Variants in SEPTIN3 observed in about 807,000 individuals in gnomAD.
SEPTIN3 encodes neuronal-specific septin-3.
In SEPTIN3, 15 loss-of-function variants were observed where a neutral mutation model predicts 45.1. The observed-to-expected ratio is 0.33, with a 90% confidence interval of 0.22 to 0.51. The LOEUF (loss-of-function observed/expected upper bound fraction) is 0.51, where lower values mean the gene tolerates loss of function less well. Ranked by LOEUF, SEPTIN3 falls within the 20% of genes least tolerant of loss-of-function variation. The probability of loss-of-function intolerance (pLI) is 0.97; values close to 1 mark genes in which losing one functional copy is unlikely to be tolerated. For synonymous variants in SEPTIN3, 148 were observed against 164.8 expected (o/e 0.90, Z 0.78); for missense variants, 289 against 457.2 (o/e 0.63, Z 3.35).
chr22:41,989,659 A>G lies in SEPTIN3; in HGVS notation c.2138A>G (p.Glu713Gly). The stretch of plus-strand genomic sequence containing the variant: ...GCTAAGGCTGACACCATGACCCTGG[A>G]GGAGAAGTCTGAATTCAAGCAAAGG... ...VIAKADTMTL[E>G]EKSEFKQRVR... The change falls in exon 7 of 12, where the codon GAG becomes GGG. Residue 713 changes from glutamate to glycine, a missense_variant. Around this residue, in one of 3 missense-constraint regions of SEPTIN3, gnomAD observed 200 missense variants for 315.1 expected, o/e 0.63. Coordinates refer to ENST00000644076, the MANE Select transcript of SEPTIN3 (RefSeq NM_001363845.2). The G allele has an allele frequency of 6.2e-7, 1 of 1,612,950 alleles. No homozygotes were observed. The highest frequency in any genetic ancestry group is 8.5e-7 in the Non-Finnish European group (1 of 1,178,982).
intron 1 of SEPTIN3, among the ~76,000 whole-genome samples, chr22:41,970,805 G>A (rs998582134): frequency 2.0e-5 from 3 of 152,160 alleles, no homozygotes; most frequent in Admixed American, 6.5e-5. Flanking sequence ...CTTCAAGGGC[G>A]GGGACCATGG....
chr22:41,978,611 G>A (rs1369218682), intron 2 of SEPTIN3, among the ~76,000 whole-genome samples: 1 of 152,188 alleles, frequency 6.6e-6, no homozygotes. Flanking sequence ...TTGGTTCTGT[G>A]CCCCAGAGGT....
chr22:41,970,443 A>G (rs2077947076), intron 1 of SEPTIN3, among the ~76,000 whole-genome samples: 1 of 152,076 alleles, frequency 6.6e-6, no homozygotes. Flanking sequence ...AGTTTCAACT[A>G]TGTCCTCATG....
intron 9 of SEPTIN3, among the ~76,000 whole-genome samples, chr22:41,993,699 A>G (rs1462902083): frequency 1.3e-5 from 2 of 151,726 alleles, no homozygotes; most frequent in African/African-American, 4.8e-5. Flanking sequence ...TCACTGTGTT[A>G]CCCAGGCTGA....
chr22:41,971,863 G>A lies in SEPTIN3; in HGVS notation c.371G>A (p.Arg124His), dbSNP rs1394996086. ...HQNSQARSLDRPLSHWEELPT... is the reference protein window; with the variant it reads ...HQNSQARSLDHPLSHWEELPT... ...AACAGCCAGGCACGGTCCCTGGATC[G>A]CCCACTTTCTCACTGGGAAGAGTTG... The change falls in exon 2 of 12, where the codon CGC becomes CAC. Residue 124 changes from arginine to histidine, a missense_variant. Around this residue, in one of 3 missense-constraint regions of SEPTIN3, gnomAD observed 200 missense variants for 315.1 expected, o/e 0.63. Transcript: ENST00000644076. The A allele has an allele frequency of 1.5e-5, 6 of 398,958 alleles. No individual in the cohort carries two copies. The highest frequency in any genetic ancestry group is 1.3e-4 in the South Asian group (1 of 7,862). The allele number at this position is 398,958 out of a possible 1,614,324, so 24.7% of individuals were successfully genotyped here.
At position 41,977,006 on chromosome 22, in the gene SEPTIN3, A is replaced by G. The variant is rs892128218; in HGVS notation, c.1504+4010A>G. ...GCCCGGGGAAGCCCGCGCCCCGCTCAGCCTTGCAGCCCCGCGCCCGGAGCA... is the reference window on the plus strand; with the variant it reads ...GCCCGGGGAAGCCCGCGCCCCGCTCGGCCTTGCAGCCCCGCGCCCGGAGCA... On this transcript the variant is annotated intron_variant, in intron 2 of 11. Coordinates refer to ENST00000644076, the MANE Select transcript of SEPTIN3 (RefSeq NM_001363845.2). The G allele has an allele frequency of 5.2e-5, 82 of 1,564,316 alleles. No individual in the cohort carries two copies. The Middle Eastern group carries it at 8.9e-4, about 17-fold the overall frequency.
At chr22:41,987,571 G>A (rs371448031) in intron 5 of SEPTIN3, 51 bp from the exon 6 acceptor site, 1 of 1,581,428 alleles carries the variant, frequency 6.3e-7, no homozygotes, top group Non-Finnish European at 8.7e-7. Context: ...CCTAAGCTGA[G>A]CCCTAGGTCT....
At chr22:41,990,186 A>T (rs769440814) in intron 7 of SEPTIN3, among the ~76,000 whole-genome samples, 4 of 151,550 alleles carry the variant, frequency 2.6e-5, no homozygotes, top group South Asian at 2.1e-4. Flanking sequence ...GACTACAGGC[A>T]CCCACCACCA....
intron 9 of SEPTIN3, among the ~76,000 whole-genome samples, 168 bp downstream of exon 9, chr22:41,992,931 C>T (rs2078342178): frequency 6.6e-6 from 1 of 152,190 alleles, no homozygotes; most frequent in Non-Finnish European, 1.5e-5. Flanking sequence ...TGCTCACAGG[C>T]AGGAGTAACA....
At chr22:41,992,587 C>A in intron 8 of SEPTIN3, 77 bp from the exon 9 acceptor site, 1 of 890,784 alleles carries the variant, frequency 1.1e-6, no homozygotes, top group Non-Finnish European at 1.7e-6. Context: ...GACCATATGC[C>A]ATCCTGCTCC....
chr22:41,990,530 A>G (rs148140943), intron 7 of SEPTIN3, among the ~76,000 whole-genome samples: 8,290 of 146,874 alleles, frequency 0.056, 296 homozygotes, highest in Admixed American at 0.089. Flanking sequence ...TGAATCACGA[A>G]GTCAGGAGAT....
At position 41,971,665 on chromosome 22, in the gene SEPTIN3, C is replaced by G; in HGVS notation, c.173C>G (p.Thr58Ser). 1 of 399,086 alleles carries G rather than the reference C, an allele frequency of 2.5e-6. No individual in the cohort carries two copies. The highest frequency in any genetic ancestry group is 1.3e-4 in the South Asian group (1 of 7,850). The allele number at this position is 399,086 out of a possible 1,614,324, so 24.7% of individuals were successfully genotyped here. The change falls in exon 2 of 12, where the codon ACC becomes AGC. Residue 58 changes from threonine (T) to serine (S), a missense_variant. This residue lies in a region of SEPTIN3 where 200 missense variants were observed against 315.1 expected (regional missense o/e 0.63). Coordinates refer to ENST00000644076, the MANE Select transcript of SEPTIN3 (RefSeq NM_001363845.2). ...CTCAGGAAGACCATCCATCTGGATA[C>G]CTTCCCCCAAAGCCATATCCCACAG... is the stretch of plus-strand genomic sequence containing the variant. ...PVLRKTIHLDTFPQSHIPQTS... is the reference protein window; with the variant it reads ...PVLRKTIHLDSFPQSHIPQTS...
chr22:41,987,379 C>T, intron 5 of SEPTIN3, 92 bp downstream of exon 5: 3 of 1,258,168 alleles, frequency 2.4e-6, no homozygotes, highest in Non-Finnish European at 3.4e-6. Context: ...GAACCATCTG[C>T]ACCCTCCATG....
chr22:41,987,275 A>G lies in SEPTIN3; in HGVS notation c.1895A>G (p.Asn632Ser), dbSNP rs1251038755. 1 of 1,613,074 alleles carries G rather than the reference A, an allele frequency of 6.2e-7. No individual in the cohort carries two copies. The highest frequency in any genetic ancestry group is 8.5e-7 in the Non-Finnish European group (1 of 1,179,518). Reference protein sequence around the residue: ...IDTPGFGDQINNENCWEPIEK... With the variant: ...IDTPGFGDQISNENCWEPIEK... Reference sequence around the variant, plus strand: ...ACCCCAGGCTTTGGAGACCAAATCAACAATGAAAACTGGTATCTGTCTGCC... The same window carrying G: ...ACCCCAGGCTTTGGAGACCAAATCAGCAATGAAAACTGGTATCTGTCTGCC... Residue 632 changes from asparagine (N) to serine (S), a missense_variant, in exon 5 of 12, where the codon AAC becomes AGC. This residue lies in a region of SEPTIN3 where 200 missense variants were observed against 315.1 expected (regional missense o/e 0.63). Transcript: ENST00000644076.
At chr22:41,988,566 C>A (rs1481182256) in intron 6 of SEPTIN3, among the ~76,000 whole-genome samples, 2 of 152,100 alleles carry the variant, frequency 1.3e-5, no homozygotes, top group East Asian at 1.9e-4. Context: ...GAAACAAGAC[C>A]CCTGGGCTAG....
At chr22:41,987,337 T>C (rs746269902) in intron 5 of SEPTIN3, 50 bp downstream of exon 5, 49 of 1,491,276 alleles carry the variant, frequency 3.3e-5, no homozygotes, top group Non-Finnish European at 4.5e-5. Context: ...GCTGGGAAGA[T>C]ACTTACTATG....
At chr22:41,990,329 C>T (rs2146713730) in intron 7 of SEPTIN3, among the ~76,000 whole-genome samples, 1 of 150,816 alleles carries the variant, frequency 6.6e-6, no homozygotes, top group Admixed American at 6.6e-5. Flanking sequence ...GCTGGGATTA[C>T]AGGCGTGAGC....
intron 2 of SEPTIN3, among the ~76,000 whole-genome samples, chr22:41,980,082 A>G (rs1390795531): frequency 1.3e-5 from 2 of 149,360 alleles, no homozygotes; most frequent in Non-Finnish European, 1.5e-5. Context: ...CAGACCTGAA[A>G]GGGGCTGGGG....
chr22:41,983,449 AAACTTATCGAGTCACCC>A (rs1278062373), intron 3 of SEPTIN3, among the ~76,000 whole-genome samples: 1 of 152,162 alleles, frequency 6.6e-6, no homozygotes. Context: ...CCACCTTGCA[AAACTTATCGAGTCACCC>A]AACTTACTTA....
Sources: allele counts gnomAD v4.1 joint callset (sites outside exome capture counted in the v4.1 genomes callset), GRCh38; gene constraint gnomAD v4.1.1; regional missense constraint gnomAD v4.1.1; transcripts MANE v1.5; gene names NCBI Gene and HGNC (gene_info 2026-07-23, HGNC 2026-07-21).